Variants in KCNJ16 observed in about 807,000 individuals in gnomAD.
The protein encoded by KCNJ16 is potassium inwardly rectifying channel subfamily J member 16.
A neutral mutation model predicts 18.5 loss-of-function variants in KCNJ16; 15 were observed. That is an observed-to-expected ratio of 0.81 (90% CI 0.54 to 1.25). The LOEUF is 1.25. Among genes scored for constraint, KCNJ16 ranks in the 50% most tolerant of loss-of-function variants. The pLI, the probability that KCNJ16 is intolerant of heterozygous loss-of-function variation, is 0.00. For missense variants in KCNJ16, 523 were observed against 525.7 expected (o/e 0.99, Z 0.05); for synonymous variants, 174 against 186.5 (o/e 0.93, Z 0.55).
chr17:70,092,491 T>C (rs1164697036), intron 1 of KCNJ16, among the ~76,000 whole-genome samples: 3 of 13,738 alleles, frequency 2.2e-4, no homozygotes, highest in African/African-American at 3.3e-4. Context: ...ACAGAACCAA[T>C]AGATAGATAG....
chr17:70,084,011 G>A (rs1385033909), intron 1 of KCNJ16, among the ~76,000 whole-genome samples: 1 of 152,128 alleles, frequency 6.6e-6, no homozygotes, highest in African/African-American at 2.4e-5. Flanking sequence ...TGTAACACAG[G>A]AGCCATAGAA....
At position 70,126,966 on chromosome 17, in the gene KCNJ16, G is replaced by A. The variant is rs776581514; in HGVS notation, c.-190-3913G>A. Reference sequence around the variant, plus strand: ...GCTAGAAACAGGATCTCCAGATAACGTTACTAGTGATGCTGATACACTGGA... The same window carrying A: ...GCTAGAAACAGGATCTCCAGATAACATTACTAGTGATGCTGATACACTGGA... On this transcript the variant is annotated intron_variant, in intron 2 of 3. Coordinates refer to ENST00000392671, the MANE Select transcript of KCNJ16 (RefSeq NM_170741.4). Among the ~76,000 whole-genome samples, 4 of 150,184 alleles carry A rather than the reference G, an allele frequency of 2.7e-5. No homozygotes were observed. In the South Asian group the frequency reaches 8.3e-4, roughly 31 times the overall value.
Position 70,135,510 on chromosome 17 carries a change from T to C in KCNJ16, c.*2166T>C, listed in dbSNP as rs1173975295. On this transcript the variant is annotated 3_prime_UTR_variant, in exon 4 of 4. Coordinates refer to ENST00000392671, the MANE Select transcript of KCNJ16 (RefSeq NM_170741.4). ...GAAGAGAGTGTAAAATCAGCATTTCTATGTAACATATATCTCTAATTATCT... is the reference window on the plus strand; with the variant it reads ...GAAGAGAGTGTAAAATCAGCATTTCCATGTAACATATATCTCTAATTATCT... 3.6e-5 allele frequency: 6 copies of C among 167,062 alleles called. No individual in the cohort carries two copies. The highest frequency in any genetic ancestry group is 9.6e-5 in the African/African-American group (4 of 41,460). 10.3% of individuals were successfully genotyped at this position (167,062 alleles called of 1,614,324 possible). A position where few individuals can be genotyped will look rare whatever the true frequency, so the allele number is the denominator to read the frequency against.
In KCNJ16 at chr17:70,132,608, C is replaced by T. The variant is rs2074097578; in HGVS notation, c.521C>T (p.Thr174Ile). 2 of 1,614,208 alleles carry T rather than the reference C, an allele frequency of 1.2e-6. No homozygotes were observed. Among genetic ancestry groups the T allele is most frequent in the Non-Finnish European group, 8.5e-7 (1 of 1,180,036 alleles). ...IIGAALAKMA[T>I]ARKRAQTIRF... ...GGAGCTGCCTTGGCCAAAATGGCAA[C>T]TGCTCGAAAGAGAGCCCAAACCATT... The change falls in exon 4 of 4, where the codon ACT becomes ATT. Residue 174 changes from threonine (T) to isoleucine (I), a missense_variant. Physicochemically the swap from Thr to Ile is moderately conservative, Grantham distance 89. Transcript: ENST00000392671.
Position 70,132,779 on chromosome 17 carries a change from T to C in KCNJ16, c.692T>C (p.Met231Thr). The change falls in exon 4 of 4, where the codon ATG (methionine) becomes ACG (threonine). Residue 231 changes from methionine (M) to threonine (T), a missense_variant. Coordinates refer to ENST00000392671, the MANE Select transcript of KCNJ16 (RefSeq NM_170741.4). The stretch of plus-strand genomic sequence containing the variant: ...TATACAGAAGACAGTGAAGGGAGGA[T>C]GACGATGGCATTTAAAGACCTCAAA... ...LRYTEDSEGR[M>T]TMAFKDLKLV... 6.2e-7 allele frequency: 1 copy of C among 1,613,972 alleles called. No homozygotes were observed. Among genetic ancestry groups the C allele is most frequent in the Middle Eastern group, 1.6e-4 (1 of 6,062 alleles).
At chr17:70,099,983 C>T (rs144858672) in intron 1 of KCNJ16, among the ~76,000 whole-genome samples, 1 of 152,206 alleles carries the variant, frequency 6.6e-6, no homozygotes, top group African/African-American at 2.4e-5. Context: ...ATTCAAATAA[C>T]TTTAGAATCA....
At position 70,134,356 on chromosome 17, in the gene KCNJ16, GC is replaced by G. The variant is rs1383064064; in HGVS notation, c.*1013del. On this transcript the variant is annotated 3_prime_UTR_variant, in exon 4 of 4. Transcript: ENST00000392671. ...TTTGTGCCCAGAAGCAGTTATGTAT[GC>G]TTCTTGTCTTGGTTACTGTACAAGA... 1 of 167,038 alleles carries G rather than the reference GC, an allele frequency of 6.0e-6. No homozygotes were observed. Among genetic ancestry groups the G allele is most frequent in the African/African-American group, 2.4e-5 (1 of 41,438 alleles). 10.3% of individuals were successfully genotyped at this position (167,038 alleles called of 1,614,324 possible).
chr17:70,123,301 A>G (rs950869653), intron 2 of KCNJ16, among the ~76,000 whole-genome samples: 1 of 152,248 alleles, frequency 6.6e-6, no homozygotes, highest in African/African-American at 2.4e-5. Context: ...AGCATCAAAT[A>G]TAAGAAGATA....
In KCNJ16 at chr17:70,132,952, A is replaced by C; in HGVS notation, c.865A>C (p.Thr289Pro). The part of the protein sequence containing the change: ...LVTFIYTGDS[T>P]GTSHQSRSSY... ...GACATTTATCTATACTGGTGATTCC[A>C]CTGGAACATCTCACCAATCTAGAAG... is the stretch of plus-strand genomic sequence containing the variant. Residue 289 changes from threonine (T) to proline (P), a missense_variant, in exon 4 of 4, where the codon ACT becomes CCT. Coordinates refer to ENST00000392671, the MANE Select transcript of KCNJ16 (RefSeq NM_170741.4). The C allele has an allele frequency of 6.2e-7, 1 of 1,614,138 alleles. No homozygotes were observed. The highest frequency in any genetic ancestry group is 8.5e-7 in the Non-Finnish European group (1 of 1,179,998).
At chr17:70,084,447 C>A (rs2071703238) in intron 1 of KCNJ16, among the ~76,000 whole-genome samples, 1 of 152,142 alleles carries the variant, frequency 6.6e-6, no homozygotes, top group Admixed American at 6.6e-5. Context: ...GAGATTAATA[C>A]ACACAAACGA....
intron 2 of KCNJ16, among the ~76,000 whole-genome samples, chr17:70,124,644 A>G (rs574456548): frequency 2.0e-5 from 3 of 152,332 alleles, no homozygotes; most frequent in African/African-American, 7.2e-5. Context: ...GCTAACATCC[A>G]ACCAAGACAG....
intron 2 of KCNJ16, among the ~76,000 whole-genome samples, chr17:70,114,201 A>T (rs929416008): frequency 6.6e-6 from 1 of 152,118 alleles, no homozygotes; most frequent in Non-Finnish European, 1.5e-5. Flanking sequence ...AAACCCAATC[A>T]CTTAAAGGTC....
At chr17:70,081,884 C>T (rs1175113918) in intron 1 of KCNJ16, among the ~76,000 whole-genome samples, 1 of 151,926 alleles carries the variant, frequency 6.6e-6, no homozygotes, top group Non-Finnish European at 1.5e-5. Flanking sequence ...ATGATAATTG[C>T]TATGCCATTA....
In KCNJ16 at chr17:70,115,659, T is replaced by G. The variant is rs979545762; in HGVS notation, c.-191+14893T>G. Reference sequence around the variant, plus strand: ...CACCAAAAAGGGGAAATGCATTTGGTGCCCATTTAATGCTAACTCTGCTTC... The same window carrying G: ...CACCAAAAAGGGGAAATGCATTTGGGGCCCATTTAATGCTAACTCTGCTTC... On this transcript the variant is annotated intron_variant, in intron 2 of 3. Transcript: ENST00000392671. 2.0e-5 allele frequency among the ~76,000 whole-genome samples: 3 copies of G among 152,032 alleles called. No homozygotes were observed. In the East Asian group the frequency reaches 5.8e-4, roughly 29 times the overall value.
chr17:70,096,192 C>A (rs1026113362), intron 1 of KCNJ16, among the ~76,000 whole-genome samples: 2 of 152,076 alleles, frequency 1.3e-5, no homozygotes, highest in Admixed American at 6.5e-5. Context: ...CTACTCAATC[C>A]TTTTTCCAGT....
At chr17:70,107,113 A>C (rs1349983029) in intron 2 of KCNJ16, among the ~76,000 whole-genome samples, 1 of 152,184 alleles carries the variant, frequency 6.6e-6, no homozygotes, top group Non-Finnish European at 1.5e-5. Context: ...TTACAATGCT[A>C]TCTGGTTAAA....
intron 1 of KCNJ16, among the ~76,000 whole-genome samples, chr17:70,087,890 A>G (rs2071888623): frequency 6.6e-6 from 1 of 151,748 alleles, no homozygotes; most frequent in Non-Finnish European, 1.5e-5. Context: ...AGAAGTTGCA[A>G]TTACGTAAAA....
chr17:70,082,471 TAG>T (rs1458254125), intron 1 of KCNJ16, among the ~76,000 whole-genome samples: 2 of 152,134 alleles, frequency 1.3e-5, no homozygotes, highest in Non-Finnish European at 2.9e-5. Context: ...GGACTGATTC[TAG>T]AGAGAGGAGA....
At chr17:70,106,287 G>A (rs557433077) in intron 2 of KCNJ16, among the ~76,000 whole-genome samples, 2 of 152,218 alleles carry the variant, frequency 1.3e-5, no homozygotes, top group East Asian at 1.9e-4. Context: ...AATTGGCTAC[G>A]CATTGGCAGT....
Sources: allele counts gnomAD v4.1 joint callset (sites outside exome capture counted in the v4.1 genomes callset), GRCh38; gene constraint gnomAD v4.1.1; transcripts MANE v1.5; gene names NCBI Gene and HGNC (gene_info 2026-07-23, HGNC 2026-07-21).